GPR39: variants seen among roughly 807,000 people sequenced by gnomAD.
The protein encoded by GPR39 is zinc sensing receptor.
In GPR39, 23 loss-of-function variants were observed where a neutral mutation model predicts 18.4. The ratio of observed to expected loss-of-function variants is 1.25; its 90% CI spans 0.90 to 1.77. GPR39 has a LOEUF of 1.77. Ranked by LOEUF, GPR39 falls within the 40% of genes most tolerant of loss-of-function variation. The pLI is 0.00. For synonymous variants in GPR39, 280 were observed against 257.9 expected, an observed-to-expected ratio of 1.09 and a Z score of -0.82; for missense variants, 647 against 602.4, an observed-to-expected ratio of 1.07 and a Z score of -0.78.
At chr2:132,582,745 C>A (rs1289905058) in intron 1 of GPR39, among the ~76,000 whole-genome samples, 1 of 152,110 alleles carries the variant, frequency 6.6e-6, no homozygotes, top group Non-Finnish European at 1.5e-5. Flanking sequence ...AGCCAGGTCC[C>A]CAAACCAGCC....
chr2:132,574,459 G>A (rs868351623), intron 1 of GPR39, among the ~76,000 whole-genome samples: 13 of 152,246 alleles, frequency 8.5e-5, no homozygotes, highest in Middle Eastern at 6.8e-3. Flanking sequence ...GGCCAGACAT[G>A]GTGGCTCATG....
Position 132,616,861 on chromosome 2 carries a change from G to C in GPR39, c.857-28240G>C, listed in dbSNP as rs1681344220. 2.6e-5 allele frequency among the ~76,000 whole-genome samples: 4 copies of C among 152,340 alleles called. No individual in the cohort carries two copies. The South Asian group carries it at 8.3e-4, about 32-fold the overall frequency. ...TAAGGAATTATATAAAGCAGAAATTGAAACACGCTTTCTTTCTCTCAATGC... is the reference window on the plus strand; with the variant it reads ...TAAGGAATTATATAAAGCAGAAATTCAAACACGCTTTCTTTCTCTCAATGC... On this transcript the variant is annotated intron_variant, in intron 1 of 1. Coordinates refer to ENST00000329321, the MANE Select transcript of GPR39 (RefSeq NM_001508.3).
intron 1 of GPR39, among the ~76,000 whole-genome samples, chr2:132,597,512 C>A (rs1481986690): frequency 1.3e-5 from 2 of 152,146 alleles, no homozygotes; most frequent in African/African-American, 4.8e-5. Flanking sequence ...AAATCAAACA[C>A]CTGCTCAGTG....
chr2:132,549,949 T>TG (rs1204749590), intron 1 of GPR39, among the ~76,000 whole-genome samples: 2 of 152,216 alleles, frequency 1.3e-5, no homozygotes, highest in Non-Finnish European at 2.9e-5. Context: ...ATAATCCGTT[T>TG]TCCATTTTTA....
At position 132,498,110 on chromosome 2, in the gene GPR39, G is replaced by T. The variant is rs972876848; in HGVS notation, c.856+80212G>T. The stretch of plus-strand genomic sequence containing the variant: ...TTTTTAAATTTTATTATTTCAGTAG[G>T]TTTTTGGGGAACAGATAATGCTTGA... On this transcript the variant is annotated intron_variant, in intron 1 of 1. Transcript: ENST00000329321. 1.1e-3 allele frequency among the ~76,000 whole-genome samples: 172 copies of T among 152,126 alleles called. 1 individual carries two copies. Among genetic ancestry groups the T allele is most frequent in the African/African-American group, 3.8e-3 (159 of 41,500 alleles).
At chr2:132,584,764 T>C (rs1680694719) in intron 1 of GPR39, among the ~76,000 whole-genome samples, 1 of 152,174 alleles carries the variant, frequency 6.6e-6, no homozygotes, top group African/African-American at 2.4e-5. Flanking sequence ...CAGAGGCAAT[T>C]TGGTAGAAAA....
chr2:132,609,197 G>C (rs1426693199), intron 1 of GPR39, among the ~76,000 whole-genome samples: 2 of 152,198 alleles, frequency 1.3e-5, no homozygotes, highest in African/African-American at 2.4e-5. Flanking sequence ...TCTGCCAGAT[G>C]ATAAGAATGG....
At chr2:132,631,809 T>TTTC (rs933296338) in intron 1 of GPR39, among the ~76,000 whole-genome samples, 2 of 151,672 alleles carry the variant, frequency 1.3e-5, no homozygotes, top group African/African-American at 2.4e-5. Flanking sequence ...AAATGAAGTT[T>TTTC]TTCTTCTTCT....
chr2:132,602,738 C>G (rs1196701737), intron 1 of GPR39, among the ~76,000 whole-genome samples: 3 of 151,142 alleles, frequency 2.0e-5, no homozygotes, highest in Admixed American at 2.0e-4. Context: ...TTTGAATAGA[C>G]ATTTCTCTAA....
intron 1 of GPR39, among the ~76,000 whole-genome samples, chr2:132,434,107 C>T (rs1374704941): frequency 6.6e-6 from 1 of 151,964 alleles, no homozygotes; most frequent in African/African-American, 2.4e-5. Flanking sequence ...GAAAGGATAT[C>T]TGCCTGGAGA....
At chr2:132,504,697 A>G (rs1679102957) in intron 1 of GPR39, among the ~76,000 whole-genome samples, 1 of 152,216 alleles carries the variant, frequency 6.6e-6, no homozygotes, top group Non-Finnish European at 1.5e-5. Context: ...TTTGCACATA[A>G]AATAGAATTC....
chr2:132,533,258 G>T (rs956085652), intron 1 of GPR39, among the ~76,000 whole-genome samples: 1 of 151,994 alleles, frequency 6.6e-6, no homozygotes, highest in African/African-American at 2.4e-5. Flanking sequence ...GCTTCAAAGA[G>T]AATAAAATTC....
At chr2:132,521,391 C>A (rs901268684) in intron 1 of GPR39, among the ~76,000 whole-genome samples, 1 of 152,218 alleles carries the variant, frequency 6.6e-6, no homozygotes, top group Non-Finnish European at 1.5e-5. Context: ...CATTAACACT[C>A]TTTGAATTTA....
chr2:132,587,781 C>T (rs1251897772), intron 1 of GPR39, among the ~76,000 whole-genome samples: 1 of 152,092 alleles, frequency 6.6e-6, no homozygotes, highest in Non-Finnish European at 1.5e-5. Flanking sequence ...GTGATCCACC[C>T]GCCTCAGCCT....
chr2:132,537,119 A>C (rs1479506271), intron 1 of GPR39, among the ~76,000 whole-genome samples: 1 of 152,172 alleles, frequency 6.6e-6, no homozygotes, highest in Non-Finnish European at 1.5e-5. Flanking sequence ...TCATGTTGCT[A>C]TCTGGTTATT....
intron 1 of GPR39, chr2:132,606,230 G>A (rs1681136134): frequency 6.6e-6 from 1 of 152,272 alleles, no homozygotes; most frequent in Admixed American, 6.5e-5. Context: ...CCCTATCAAC[G>A]TAGGTAATTT....
intron 1 of GPR39, among the ~76,000 whole-genome samples, chr2:132,516,524 C>G (rs1007083009): frequency 1.3e-5 from 2 of 152,144 alleles, no homozygotes; most frequent in African/African-American, 4.8e-5. Context: ...TATCTCTCAG[C>G]ATAAAGCAAA....
intron 1 of GPR39, among the ~76,000 whole-genome samples, chr2:132,430,467 G>T (rs780027827): frequency 1.2e-4 from 18 of 152,182 alleles, no homozygotes; most frequent in Non-Finnish European, 2.6e-4. Flanking sequence ...AAGTAAGAAG[G>T]AATTTATTGG....
At chr2:132,578,134 T>G (rs1361328748) in intron 1 of GPR39, among the ~76,000 whole-genome samples, 1 of 151,558 alleles carries the variant, frequency 6.6e-6, no homozygotes, top group Non-Finnish European at 1.5e-5. Flanking sequence ...GCAATTGATA[T>G]GATCACACGA....
Sources: gnomAD v4.1 joint callset for allele counts (sites outside exome capture counted in the v4.1 genomes callset) on GRCh38, gnomAD v4.1.1 for gene constraint, MANE v1.5 for transcripts, NCBI Gene and HGNC (gene_info 2026-07-23, HGNC 2026-07-21) for gene names.